CAMKMT: variants seen among roughly 807,000 people sequenced by gnomAD.
CAMKMT encodes the protein calmodulin-lysine N-methyltransferase, also known as CaM KMT.
In CAMKMT, 53 loss-of-function variants were observed where a neutral mutation model predicts 48.0. The observed-to-expected ratio is 1.10, with a 90% CI of 0.89 to 1.39. The LOEUF is 1.39. Among genes scored for constraint, CAMKMT ranks in the 40% most tolerant of loss-of-function variants. CAMKMT has a pLI of 0.00. For missense variants in CAMKMT, 428 were observed against 402.7 expected, an observed-to-expected ratio of 1.06 and a Z score of -0.54; for synonymous variants, 165 against 152.3, an observed-to-expected ratio of 1.08 and a Z score of -0.61.
chr2:44,643,955 A>G (rs1160041875), intron 3 of CAMKMT, among the ~76,000 whole-genome samples: 1 of 152,218 alleles, frequency 6.6e-6, no homozygotes, highest in East Asian at 1.9e-4. Flanking sequence ...ATCTCTGTCC[A>G]TTGCAGGAGA....
At chr2:44,385,567 T>C (rs920101068) in intron 2 of CAMKMT, among the ~76,000 whole-genome samples, 9 of 152,328 alleles carry the variant, frequency 5.9e-5, no homozygotes, top group African/African-American at 2.2e-4. Context: ...TCAGAGGGAC[T>C]GCTTTCAGCT....
rs1043871818 is a variant in CAMKMT, at chr2:44,695,087, G to A, written c.377-9196G>A. Among the ~76,000 whole-genome samples, 4 of 152,264 alleles carry A rather than the reference G, an allele frequency of 2.6e-5. 1 individual carries two copies. Among genetic ancestry groups the A allele is most frequent in the South Asian group, 4.2e-4 (2 of 4,810 alleles). ...CTTTAGCTACTATAAATGCCACTTT[G>A]GGCATTCTGCAGCACTTCATTGAGT... On this transcript the variant is annotated intron_variant, in intron 3 of 10. Transcript: ENST00000378494.
In CAMKMT at chr2:44,683,438, TTAAC is replaced by T. The variant is rs545704412; in HGVS notation, c.377-20842_377-20839del. On this transcript the variant is annotated intron_variant, in intron 3 of 10. Coordinates refer to ENST00000378494, the MANE Select transcript of CAMKMT (RefSeq NM_024766.5). Reference sequence around the variant, plus strand: ...TGAGGTTCTAGCCCAAACTCGGTCATTAACTAGCTAGCCTCTGTGTGCTAAGCAA... The same window carrying T: ...TGAGGTTCTAGCCCAAACTCGGTCATTAGCTAGCCTCTGTGTGCTAAGCAA... Among the ~76,000 whole-genome samples, 3 of 152,330 alleles carry T rather than the reference TTAAC, an allele frequency of 2.0e-5. No homozygotes were observed. The South Asian group carries it at 6.2e-4, about 32-fold the overall frequency.
chr2:44,718,414 A>T (rs1041742910), intron 7 of CAMKMT, among the ~76,000 whole-genome samples: 13 of 152,234 alleles, frequency 8.5e-5, no homozygotes, highest in African/African-American at 2.9e-4. Flanking sequence ...TTGTCCATCC[A>T]TGCAGCCATC....
At chr2:44,704,102 A>G (rs1677410172) in intron 3 of CAMKMT, among the ~76,000 whole-genome samples, 181 bp from the exon 4 acceptor site, 1 of 152,200 alleles carries the variant, frequency 6.6e-6, no homozygotes, top group African/African-American at 2.4e-5. Context: ...GGAAAGAGTT[A>G]TAAATCTCAC....
intron 2 of CAMKMT, among the ~76,000 whole-genome samples, chr2:44,378,177 T>C (rs904202119): frequency 3.3e-5 from 5 of 152,210 alleles, no homozygotes; most frequent in African/African-American, 1.2e-4. Context: ...TGAATTCCAT[T>C]GTGTCACATT....
At chr2:44,654,360 A>G (rs1388864947) in intron 3 of CAMKMT, among the ~76,000 whole-genome samples, 1 of 151,828 alleles carries the variant, frequency 6.6e-6, no homozygotes, top group East Asian at 1.9e-4. Context: ...ATACATATTC[A>G]TGGTAGAGAA....
chr2:44,460,659 G>C (rs923086090), intron 3 of CAMKMT, among the ~76,000 whole-genome samples: 2 of 151,802 alleles, frequency 1.3e-5, no homozygotes, highest in African/African-American at 2.4e-5. Context: ...TTTCTTTACA[G>C]GGGAGGTAAT....
chr2:44,518,743 A>G (rs981896367), intron 3 of CAMKMT, among the ~76,000 whole-genome samples: 1 of 152,170 alleles, frequency 6.6e-6, no homozygotes, highest in Non-Finnish European at 1.5e-5. Context: ...CCTGATGATG[A>G]TGTATATTTC....
intron 3 of CAMKMT, among the ~76,000 whole-genome samples, chr2:44,478,702 CTTTTT>C (rs11323347): frequency 2.8e-5 from 3 of 106,416 alleles, no homozygotes; most frequent in Admixed American, 1.0e-4. Flanking sequence ...TCTTTTCTTC[CTTTTT>C]TTTTTTTTTT....
chr2:44,707,690 A>G (rs1291803840), intron 6 of CAMKMT, among the ~76,000 whole-genome samples: 3 of 152,146 alleles, frequency 2.0e-5, no homozygotes, highest in South Asian at 4.1e-4. Context: ...AAAGGAGCCT[A>G]TTTTTGTGGA....
rs372488528 is a variant in CAMKMT at position 44,679,379 on chromosome 2, G to A, written c.377-24904G>A. 1.1e-4 allele frequency among the ~76,000 whole-genome samples: 16 copies of A among 152,144 alleles called. No homozygotes were observed. The East Asian group carries it at 2.3e-3, about 22-fold the overall frequency. ...TTTTCCACTCTGATTACTTGCCTCC[G>A]AGTGAAGGGTTCAAGAATAAATGCA... On this transcript the variant is annotated intron_variant, in intron 3 of 10. Transcript: ENST00000378494.
At chr2:44,550,985 C>G (rs994793594) in intron 3 of CAMKMT, among the ~76,000 whole-genome samples, 1 of 152,132 alleles carries the variant, frequency 6.6e-6, no homozygotes, top group African/African-American at 2.4e-5. Flanking sequence ...TATATGACAA[C>G]TTGCAAGACC....
intron 3 of CAMKMT, among the ~76,000 whole-genome samples, chr2:44,662,391 C>T (rs1336813727): frequency 6.6e-6 from 1 of 152,180 alleles, no homozygotes; most frequent in Non-Finnish European, 1.5e-5. Flanking sequence ...GAAGATCTGG[C>T]TTCTTTGGCA....
intron 3 of CAMKMT, among the ~76,000 whole-genome samples, chr2:44,461,330 A>G (rs777727641): frequency 3.2e-4 from 48 of 152,196 alleles, no homozygotes; most frequent in Admixed American, 3.3e-4. Context: ...TACTCATTAA[A>G]TATCTCATTA....
chr2:44,681,414 A>G lies in CAMKMT; in HGVS notation c.377-22869A>G, dbSNP rs1489451259. Among the ~76,000 whole-genome samples the G allele has an allele frequency of 3.3e-5, 5 of 152,270 alleles. No homozygotes were observed. In the East Asian group the frequency reaches 7.7e-4, roughly 23 times the overall value. On this transcript the variant is annotated intron_variant, in intron 3 of 10. Transcript: ENST00000378494. ...GGGAAAAGCCGAGAAGCCCAGTCCT[A>G]TTTATTAATGCAGATTTTAACATTC...
intron 3 of CAMKMT, among the ~76,000 whole-genome samples, chr2:44,545,532 TTTTTG>T (rs889722576): frequency 5.1e-4 from 78 of 152,178 alleles, no homozygotes; most frequent in African/African-American, 1.5e-3. Flanking sequence ...ACACATGCAG[TTTTTG>T]TTTTGTTTTG....
At chr2:44,769,209 C>G (rs1680997218) in intron 10 of CAMKMT, among the ~76,000 whole-genome samples, 1 of 152,014 alleles carries the variant, frequency 6.6e-6, no homozygotes, top group African/African-American at 2.4e-5. Flanking sequence ...AACAGCTTTG[C>G]CTCTTAAACT....
At chr2:44,430,490 T>C (rs182733340) in intron 3 of CAMKMT, among the ~76,000 whole-genome samples, 6 of 151,082 alleles carry the variant, frequency 4.0e-5, no homozygotes, top group African/African-American at 7.3e-5. Context: ...ATGGTAACAA[T>C]TGGACTTGCA....
Sources: gnomAD v4.1 joint callset for allele counts (sites outside exome capture counted in the v4.1 genomes callset) on GRCh38, gnomAD v4.1.1 for gene constraint, MANE v1.5 for transcripts, NCBI Gene and HGNC (gene_info 2026-07-23, HGNC 2026-07-21) for gene names.